The following OPCML variants were observed in gnomAD, a reference collection of about 807,000 sequenced individuals.
OPCML encodes the protein opioid binding protein/cell adhesion molecule like, also known as opioid-binding protein/cell adhesion molecule.
OPCML carries 13 observed loss-of-function variants against 37.8 expected under a neutral mutation model. The observed-to-expected ratio is 0.34, with a 90% CI of 0.22 to 0.55. OPCML has a LOEUF of 0.55. Among genes scored for constraint, OPCML ranks in the 20% least tolerant of loss-of-function variants. The pLI is 0.91. For synonymous variants in OPCML, 176 were observed against 168.8 expected (o/e 1.04, Z -0.33); for missense variants, 341 against 435.6 (o/e 0.78, Z 1.93).
intron 1 of OPCML, among the ~76,000 whole-genome samples, chr11:133,445,948 G>C (rs1451444398): frequency 6.6e-6 from 1 of 152,174 alleles, no homozygotes; most frequent in Non-Finnish European, 1.5e-5. Flanking sequence ...AGATGTGACT[G>C]TCTCTTAGCA....
chr11:132,753,742 A>C (rs1340293384), intron 2 of OPCML, among the ~76,000 whole-genome samples: 5 of 152,166 alleles, frequency 3.3e-5, no homozygotes, highest in Non-Finnish European at 7.3e-5. Context: ...GAGGAAGTGA[A>C]ACTGGAAAGA....
chr11:133,210,003 C>T (rs958228391), intron 1 of OPCML, among the ~76,000 whole-genome samples: 3 of 152,134 alleles, frequency 2.0e-5, no homozygotes, highest in African/African-American at 7.2e-5. Flanking sequence ...AGGTAGGTGC[C>T]TTCCAATTTA....
chr11:133,518,855 T>C (rs1565679894), intron 1 of OPCML, among the ~76,000 whole-genome samples: 1 of 147,968 alleles, frequency 6.8e-6, no homozygotes, highest in South Asian at 2.1e-4. Flanking sequence ...CCACTGTCCA[T>C]GCAGAGATGC....
chr11:133,294,815 C>CTTTTTTTTTTTTTTTTTTTTTT (rs59382534), intron 1 of OPCML, among the ~76,000 whole-genome samples: 4 of 56,560 alleles, frequency 7.1e-5, no homozygotes, highest in African/African-American at 1.6e-4. Context: ...TTCTTTCTTT[C>CTTTTTTTTTTTTTTTTTTTTTT]TTTTTTTTTT....
In OPCML at chr11:132,529,197, A is replaced by G. The variant is rs903443660; in HGVS notation, c.380-11T>C. The G allele has an allele frequency of 3.1e-6, 5 of 1,605,442 alleles. No individual in the cohort carries two copies. The highest frequency in any genetic ancestry group is 3.4e-6 in the Non-Finnish European group (4 of 1,175,648). On this transcript the variant is annotated splice_polypyrimidine_tract_variant and intron_variant, in intron 3 of 7. Transcript: ENST00000524381. ...TGATCTGAGGAGGAACTGTAAGGAA[A>G]CAGGATAGAAGAAATACCTGAGAAT... is the stretch of plus-strand genomic sequence containing the variant.
chr11:132,948,179 C>G (rs774621793), intron 1 of OPCML, among the ~76,000 whole-genome samples: 2 of 152,184 alleles, frequency 1.3e-5, no homozygotes, highest in South Asian at 2.1e-4. Context: ...GACACAGAGA[C>G]GACTGCCTTG....
At chr11:132,746,708 T>C (rs67678716) in intron 2 of OPCML, among the ~76,000 whole-genome samples, 10,477 of 152,244 alleles carry the variant, frequency 0.069, 397 homozygotes, top group African/African-American at 0.083. Flanking sequence ...CTCTGGCAGG[T>C]ATGATTTCAT....
intron 1 of OPCML, among the ~76,000 whole-genome samples, chr11:133,384,247 C>CAAAAAAAAAAAAAAAAAAAA (rs1186998875): frequency 1.4e-5 from 1 of 71,246 alleles, no homozygotes; most frequent in African/African-American, 4.6e-5. Flanking sequence ...GGCCACTGTG[C>CAAAAAAAAAAAAAAAAAAAA]AAAAAAAAAA....
chr11:132,552,415 A>C (rs756161286), intron 3 of OPCML, among the ~76,000 whole-genome samples: 3 of 152,224 alleles, frequency 2.0e-5, no homozygotes, highest in Non-Finnish European at 1.5e-5. Context: ...AGTGTTCCCC[A>C]TATTTATCTG....
chr11:133,038,525 CA>C (rs991586427), intron 1 of OPCML, among the ~76,000 whole-genome samples: 1 of 152,108 alleles, frequency 6.6e-6, no homozygotes, highest in Non-Finnish European at 1.5e-5. Flanking sequence ...TAAATAATGG[CA>C]ACTAAAATTG....
At chr11:133,310,311 C>A (rs1297123198) in intron 1 of OPCML, among the ~76,000 whole-genome samples, 6 of 152,100 alleles carry the variant, frequency 3.9e-5, no homozygotes, top group Admixed American at 3.9e-4. Context: ...ATGAATCTCT[C>A]TCCTTGGACG....
intron 2 of OPCML, among the ~76,000 whole-genome samples, chr11:132,895,848 G>T (rs1000031823): frequency 6.6e-6 from 1 of 152,062 alleles, no homozygotes; most frequent in African/African-American, 2.4e-5. Context: ...CTAGACTTGA[G>T]TCCCAGCAGG....
intron 2 of OPCML, chr11:132,771,969 C>A (rs1454164764): frequency 6.6e-6 from 1 of 152,176 alleles, no homozygotes; most frequent in Non-Finnish European, 1.5e-5. Flanking sequence ...AGGAAGGAGC[C>A]AGGAATAGTC....
At chr11:132,949,347 G>A (rs1945809961) in intron 1 of OPCML, among the ~76,000 whole-genome samples, 2 of 152,234 alleles carry the variant, frequency 1.3e-5, no homozygotes, top group Admixed American at 6.5e-5. Flanking sequence ...CTGAAGAGAT[G>A]CATCCTGTAA....
At chr11:133,234,544 G>A (rs1940429051) in intron 1 of OPCML, among the ~76,000 whole-genome samples, 2 of 152,370 alleles carry the variant, frequency 1.3e-5, no homozygotes, top group South Asian at 4.1e-4. Flanking sequence ...ACTGGGCACA[G>A]GCCTCCTGAT....
chr11:133,154,220 A>T (rs74904765), intron 1 of OPCML, among the ~76,000 whole-genome samples: 18 of 42,316 alleles, frequency 4.3e-4, no homozygotes, highest in East Asian at 1.0e-3. Flanking sequence ...GCTTCTGATT[A>T]AAAAAAAAAA....
At chr11:132,924,809 C>A (rs898921955) in intron 2 of OPCML, among the ~76,000 whole-genome samples, 1 of 152,098 alleles carries the variant, frequency 6.6e-6, no homozygotes, top group East Asian at 1.9e-4. Context: ...GTTTGGTGTC[C>A]GGCATTAATC....
At chr11:132,978,152 C>T (rs1946505059) in intron 1 of OPCML, among the ~76,000 whole-genome samples, 1 of 152,164 alleles carries the variant, frequency 6.6e-6, no homozygotes, top group African/African-American at 2.4e-5. Context: ...ACATCACCTT[C>T]ACAGCACAGG....
chr11:133,506,187 G>A (rs1376911763), intron 1 of OPCML, among the ~76,000 whole-genome samples: 2 of 152,102 alleles, frequency 1.3e-5, no homozygotes, highest in African/African-American at 4.8e-5. Flanking sequence ...TAAAATAATG[G>A]AGGCCCCTGG....
Sources: gnomAD v4.1 joint callset for allele counts (sites outside exome capture counted in the v4.1 genomes callset) on GRCh38, gnomAD v4.1.1 for gene constraint, MANE v1.5 for transcripts, NCBI Gene and HGNC (gene_info 2026-07-23, HGNC 2026-07-21) for gene names.